SRGN: variants seen among roughly 807,000 people sequenced by gnomAD.
SRGN encodes serglycin.
SRGN carries 2 observed loss-of-function variants against 9.5 expected under a neutral mutation model. The ratio of observed to expected loss-of-function variants is 0.21; its 90% CI spans 0.09 to 0.66. The LOEUF (loss-of-function observed/expected upper bound fraction) is 0.66, where lower values mean the gene tolerates loss of function less well. SRGN is among the 30% of genes least tolerant of loss of function. The probability of loss-of-function intolerance (pLI) is 0.83; values close to 1 mark genes in which losing one functional copy is unlikely to be tolerated. For missense variants in SRGN, 170 were observed against 192.4 expected (o/e 0.88, Z 0.69); for synonymous variants, 59 against 72.3 (o/e 0.82, Z 0.93).
intron 1 of SRGN, among the ~76,000 whole-genome samples, chr10:69,092,869 T>C (rs1263316006): frequency 6.6e-6 from 1 of 152,108 alleles, no homozygotes; most frequent in Non-Finnish European, 1.5e-5. Flanking sequence ...TATAATTGCT[T>C]CTAGAACATT....
intron 2 of SRGN, among the ~76,000 whole-genome samples, chr10:69,099,995 CG>C (rs1169795231): frequency 6.6e-6 from 1 of 152,014 alleles, no homozygotes; most frequent in East Asian, 1.9e-4. Context: ...GAGGCCGAGG[CG>C]GATAGCTTGA....
At chr10:69,097,865 T>C (rs1444173699) in intron 2 of SRGN, among the ~76,000 whole-genome samples, 1 of 152,120 alleles carries the variant, frequency 6.6e-6, no homozygotes, top group Non-Finnish European at 1.5e-5. Context: ...TACCCGGCCT[T>C]TTCTCTAATT....
At chr10:69,099,304 C>CTT (rs200610137) in intron 2 of SRGN, among the ~76,000 whole-genome samples, 8 of 128,144 alleles carry the variant, frequency 6.2e-5, no homozygotes, top group African/African-American at 1.9e-4. Context: ...GCAACTTTCT[C>CTT]TTTTGTTTTT....
intron 2 of SRGN, among the ~76,000 whole-genome samples, chr10:69,100,969 T>TTTTCTTTCTTTCTTTCTTTCTTTCTTTC (rs1554850910): frequency 1.3e-5 from 2 of 149,002 alleles, no homozygotes; most frequent in African/African-American, 4.9e-5. Context: ...GGAAGTATTT[T>TTTTCTTTCTTTCTTTCTTTCTTTCTTTC]TTTCTTTCTT....
chr10:69,097,300 G>A (rs970778543), intron 2 of SRGN, 69 bp downstream of exon 2: 2 of 1,415,454 alleles, frequency 1.4e-6, no homozygotes, highest in Non-Finnish European at 1.9e-6. Flanking sequence ...CACTTTTCTT[G>A]CCCAGGCTGG....
upstream of SRGN, chr10:69,088,011 T>C: frequency 1.5e-6 from 1 of 652,048 alleles, no homozygotes; most frequent in Non-Finnish European, 2.7e-6. Context: ...GATGTGGATG[T>C]CTTTCTATTT....
At chr10:69,094,085 C>G (rs1337471832) in intron 1 of SRGN, among the ~76,000 whole-genome samples, 2 of 152,122 alleles carry the variant, frequency 1.3e-5, no homozygotes, top group African/African-American at 4.8e-5. Context: ...ATTTGTATCT[C>G]CTTATTAACT....
intron 1 of SRGN, 126 bp from the exon 2 acceptor site, chr10:69,096,958 C>A: frequency 1.1e-6 from 1 of 889,252 alleles, no homozygotes; most frequent in Non-Finnish European, 1.7e-6. Flanking sequence ...CACAGTACTG[C>A]ACTCCAGCTT....
rs1009872414 is a variant in SRGN at position 69,099,950 on chromosome 10, C to T, written c.227+2719C>T. ...CCATCTCTAAAAATTAGTGGCCCGG[C>T]GCTGTGCCTCACGCCTGTAATCCCA... On this transcript the variant is annotated intron_variant, in intron 2 of 2. Transcript: ENST00000242465. Among the ~76,000 whole-genome samples, 10 of 152,048 alleles carry T rather than the reference C, an allele frequency of 6.6e-5. No individual in the cohort carries two copies. The South Asian group carries it at 1.2e-3, about 19-fold the overall frequency.
chr10:69,088,631 C>T (rs1377351299), intron 1 of SRGN, among the ~76,000 whole-genome samples: 1 of 151,986 alleles, frequency 6.6e-6, no homozygotes, highest in South Asian at 2.1e-4. Flanking sequence ...AGTTTTAGTG[C>T]GCTGTGACGG....
chr10:69,100,981 CTTTCTTTT>C lies in SRGN; in HGVS notation c.228-2886_228-2879del, dbSNP rs1424069339. Among the ~76,000 whole-genome samples the C allele has an allele frequency of 6.7e-5, 10 of 148,342 alleles. No individual in the cohort carries two copies. The East Asian group carries it at 1.8e-3, about 26-fold the overall frequency. On this transcript the variant is annotated intron_variant, in intron 2 of 2. Transcript: ENST00000242465. The stretch of plus-strand genomic sequence containing the variant: ...GAGGGAAGTATTTTTTTCTTTCTTT[CTTTCTTTT>C]TTTTTTTTTTTTTACAGAGTCTCAC...
intron 1 of SRGN, among the ~76,000 whole-genome samples, chr10:69,090,065 A>G (rs1310119967): frequency 1.3e-5 from 2 of 152,180 alleles, no homozygotes; most frequent in Non-Finnish European, 2.9e-5. Flanking sequence ...AAACTGACAA[A>G]CTAGGGTGTT....
Position 69,104,236 on chromosome 10 carries a change from A to G in SRGN, c.*116A>G. 1.5e-6 allele frequency: 2 copies of G among 1,361,850 alleles called. No homozygotes were observed. 84.4% of individuals were successfully genotyped at this position (1,361,850 alleles called of 1,614,324 possible). On this transcript the variant is annotated 3_prime_UTR_variant, in exon 3 of 3. Transcript: ENST00000242465. ...ATAGAAATTTTTAAACATCTGAAAA[A>G]GAAGCTTAAGTTTTATCATCCTTTT...
At chr10:69,100,091 C>T (rs759416333) in intron 2 of SRGN, among the ~76,000 whole-genome samples, 10 of 152,056 alleles carry the variant, frequency 6.6e-5, no homozygotes, top group Non-Finnish European at 8.8e-5. Flanking sequence ...CATGGTGGCA[C>T]GCCTGTAATC....
chr10:69,097,332 C>A, intron 2 of SRGN, 101 bp downstream of exon 2: 1 of 928,320 alleles, frequency 1.1e-6, no homozygotes, highest in Non-Finnish European at 1.6e-6. Context: ...GCAATCTTAG[C>A]TCACTGCAAC....
At chr10:69,099,996 G>T (rs906786455) in intron 2 of SRGN, among the ~76,000 whole-genome samples, 1 of 151,988 alleles carries the variant, frequency 6.6e-6, no homozygotes, top group Admixed American at 6.6e-5. Context: ...AGGCCGAGGC[G>T]GATAGCTTGA....
Position 69,088,201 on chromosome 10 carries a change from T to C in SRGN, c.44T>C (p.Leu15Pro). The C allele has an allele frequency of 1.2e-6, 2 of 1,614,230 alleles. No homozygotes were observed. Among genetic ancestry groups the C allele is most frequent in the African/African-American group, 2.7e-5 (2 of 75,062 alleles). The stretch of plus-strand genomic sequence containing the variant: ...AAATGCAGTCGGCTTGTCCTGGCTC[T>C]TGCCCTCATCCTGGTTCTGGAATCC... The part of the protein sequence containing the change: ...LLKCSRLVLA[L>P]ALILVLESSV... Residue 15 changes from leucine (L) to proline (P), a missense_variant, in exon 1 of 3, where the codon CTT becomes CCT. Leu to Pro is a moderately conservative substitution (Grantham distance 98). Coordinates refer to ENST00000242465, the MANE Select transcript of SRGN (RefSeq NM_002727.4).
intron 1 of SRGN, 84 bp downstream of exon 1, chr10:69,088,320 T>A (rs1041227790): frequency 1.1e-5 from 13 of 1,176,814 alleles, no homozygotes; most frequent in Middle Eastern, 1.9e-4. Context: ...TTTTAAGGCA[T>A]AGAATGTATA....
intron 1 of SRGN, among the ~76,000 whole-genome samples, chr10:69,089,416 C>T (rs143576199): frequency 3.7e-4 from 57 of 152,206 alleles, no homozygotes; most frequent in African/African-American, 8.2e-4. Context: ...CTGACAAGAT[C>T]GAGAGTAATG....
Sources: gnomAD v4.1 joint callset for allele counts (sites outside exome capture counted in the v4.1 genomes callset) on GRCh38, gnomAD v4.1.1 for gene constraint, MANE v1.5 for transcripts, NCBI Gene and HGNC (gene_info 2026-07-23, HGNC 2026-07-21) for gene names.